The following ASIC2 variants were observed in gnomAD, a reference collection of about 807,000 sequenced individuals.
The protein encoded by ASIC2 is acid-sensing ion channel 2.
ASIC2 carries 25 observed loss-of-function variants against 57.3 expected under a neutral mutation model. That is an observed-to-expected ratio of 0.44 (90% CI 0.32 to 0.61). ASIC2 has a LOEUF of 0.61. Ranked by LOEUF, ASIC2 falls within the 20% of genes least tolerant of loss-of-function variation. The pLI is 0.06. For missense variants in ASIC2, 641 were observed against 738.1 expected, an observed-to-expected ratio of 0.87 and a Z score of 1.52; for synonymous variants, 319 against 307.5, an observed-to-expected ratio of 1.04 and a Z score of -0.39.
At chr17:33,145,382 T>C (rs1342730854) in intron 1 of ASIC2, among the ~76,000 whole-genome samples, 3 of 152,346 alleles carry the variant, frequency 2.0e-5, no homozygotes, top group South Asian at 4.1e-4. Flanking sequence ...TGAGCAACTA[T>C]TGGGCTACAT....
intron 1 of ASIC2, among the ~76,000 whole-genome samples, chr17:33,199,032 C>T (rs550659248): frequency 5.9e-4 from 89 of 152,130 alleles, no homozygotes; most frequent in African/African-American, 1.6e-3. Flanking sequence ...TCTGGCATCA[C>T]GCCAGTTAAA....
Position 33,585,230 on chromosome 17 carries a change from G to GAGCCAGGCAGGCCACA in ASIC2, c.556-473164_556-473163insTGTGGCCTGCCTGGCT, listed in dbSNP as rs1042664181. On this transcript the variant is annotated intron_variant, in intron 1 of 9. Coordinates refer to the ASIC2 transcript ENST00000359872. ...GGCTTTTAGCCTTGAATCAGGGCAA[G>GAGCCAGGCAGGCCACA]AGCCAGGCAGGCCACGTGGCTCATG... Among the ~76,000 whole-genome samples, 11 of 40,362 alleles carry GAGCCAGGCAGGCCACA rather than the reference G, an allele frequency of 2.7e-4. No homozygotes were observed. The South Asian group carries it at 8.5e-3, about 31-fold the overall frequency. The allele number at this position is 40,362 out of a possible 152,430, so 26.5% of individuals were successfully genotyped here. A position where few individuals can be genotyped will look rare whatever the true frequency, so the allele number is the denominator to read the frequency against.
chr17:33,866,065 C>T (rs1914230376), intron 1 of ASIC2, among the ~76,000 whole-genome samples: 1 of 152,064 alleles, frequency 6.6e-6, no homozygotes, highest in South Asian at 2.1e-4. Context: ...TCCAATTGTG[C>T]ATTTTTATGT....
chr17:33,845,625 T>A (rs1163914880), intron 1 of ASIC2, among the ~76,000 whole-genome samples: 3 of 152,214 alleles, frequency 2.0e-5, no homozygotes, highest in African/African-American at 7.2e-5. Context: ...CCTGCTGAGA[T>A]GATGGAATAA....
At chr17:34,047,307 T>A (rs934454425) in intron 1 of ASIC2, among the ~76,000 whole-genome samples, 2 of 151,948 alleles carry the variant, frequency 1.3e-5, no homozygotes, top group African/African-American at 4.8e-5. Flanking sequence ...ACAAGACAGA[T>A]ATCATCTCAA....
intron 1 of ASIC2, among the ~76,000 whole-genome samples, chr17:33,532,729 T>G (rs1258548579): frequency 1.3e-5 from 2 of 152,206 alleles, no homozygotes; most frequent in African/African-American, 4.8e-5. Context: ...GAGATGATTG[T>G]GGCAGCCTTC....
chr17:33,672,520 G>T (rs908524615), intron 1 of ASIC2, among the ~76,000 whole-genome samples: 13 of 152,076 alleles, frequency 8.5e-5, no homozygotes, highest in Non-Finnish European at 1.8e-4. Context: ...CAGTGCCTTT[G>T]ATAGGGGCAT....
At chr17:33,111,214 T>C (rs932708173) in intron 2 of ASIC2, among the ~76,000 whole-genome samples, 1 of 152,180 alleles carries the variant, frequency 6.6e-6, no homozygotes, top group Non-Finnish European at 1.5e-5. Context: ...CAAATACCCT[T>C]GGTGCTTTCC....
intron 1 of ASIC2, among the ~76,000 whole-genome samples, chr17:33,248,753 T>TCAC (rs1277439565): frequency 6.6e-6 from 1 of 152,206 alleles, no homozygotes; most frequent in East Asian, 1.9e-4. Context: ...CTCCTCTCTG[T>TCAC]ATGTGTCAGT....
At chr17:33,828,721 T>C (rs1407449204) in intron 1 of ASIC2, among the ~76,000 whole-genome samples, 1 of 152,214 alleles carries the variant, frequency 6.6e-6, no homozygotes, top group African/African-American at 2.4e-5. Context: ...TAAAATATAT[T>C]CTATTTAGTT....
intron 1 of ASIC2, among the ~76,000 whole-genome samples, chr17:33,383,693 T>A (rs1178103634): frequency 2.0e-5 from 3 of 152,246 alleles, no homozygotes; most frequent in Non-Finnish European, 2.9e-5. Context: ...ACAAATTCAA[T>A]GTTTCTTTCA....
intron 1 of ASIC2, among the ~76,000 whole-genome samples, chr17:33,332,146 C>G (rs1907338404): frequency 6.6e-6 from 1 of 152,126 alleles, no homozygotes; most frequent in Non-Finnish European, 1.5e-5. Context: ...TTCCATATAC[C>G]CGTTCGTGTT....
chr17:34,122,781 A>T (rs1320212961), intron 1 of ASIC2, among the ~76,000 whole-genome samples: 2 of 152,198 alleles, frequency 1.3e-5, no homozygotes, highest in Non-Finnish European at 2.9e-5. Context: ...TTAAAAACAC[A>T]AGCTGCTCAG....
Position 33,032,440 on chromosome 17 carries a change from GTT to G in ASIC2, c.988-4050_988-4049del, listed in dbSNP as rs60183644. On this transcript the variant is annotated intron_variant, in intron 3 of 9. Transcript: ENST00000225823. ...TCTGTTATAAGCACTATAATACACT[GTT>G]TTTTTTTTTTTTTTTTTTTTTTTTG... Among the ~76,000 whole-genome samples, 433 of 93,988 alleles carry G rather than the reference GTT, an allele frequency of 4.6e-3. 1 individual carries two copies. Among genetic ancestry groups the G allele is most frequent in the African/African-American group, 0.017 (362 of 21,222 alleles). The allele number at this position is 93,988 out of a possible 152,430, so 61.7% of individuals were successfully genotyped here. A position where few individuals can be genotyped will look rare whatever the true frequency, so the allele number is the denominator to read the frequency against.
In ASIC2 at chr17:33,815,499, T is replaced by C. The variant is rs148662483; in HGVS notation, c.555+340479A>G. Among the ~76,000 whole-genome samples, 1,097 of 152,276 alleles carry C rather than the reference T, an allele frequency of 7.2e-3. 11 individuals are homozygous for C. Among genetic ancestry groups the C allele is most frequent in the African/African-American group, 0.025 (1,027 of 41,544 alleles). On this transcript the variant is annotated intron_variant, in intron 1 of 9. Coordinates refer to the ASIC2 transcript ENST00000359872. ...CTTTTTGTTTTGGTTCCTGAAAAGGTCTTGACTTAACTCACCCCTCTTTGG... is the reference window on the plus strand; with the variant it reads ...CTTTTTGTTTTGGTTCCTGAAAAGGCCTTGACTTAACTCACCCCTCTTTGG...
Position 33,292,508 on chromosome 17 carries a change from C to G in ASIC2, c.-393G>C, listed in dbSNP as rs531250611. 1.0e-6 allele frequency: 1 copy of G among 986,016 alleles called. No individual in the cohort carries two copies. The allele number at this position is 986,016 out of a possible 1,614,324, so 61.1% of individuals were successfully genotyped here. A position where few individuals can be genotyped will look rare whatever the true frequency, so the allele number is the denominator to read the frequency against. Reference sequence around the variant, plus strand: ...CCCTCGTCCTGGACCTCGGGGGACCCTGAGCCGAGTCCCCCCTGCCCCGCC... The same window carrying G: ...CCCTCGTCCTGGACCTCGGGGGACCGTGAGCCGAGTCCCCCCTGCCCCGCC... On this transcript the variant is annotated 5_prime_UTR_variant, in exon 1 of 10. Transcript: ENST00000225823.
At chr17:33,887,178 A>G (rs1914849464) in intron 1 of ASIC2, among the ~76,000 whole-genome samples, 1 of 152,144 alleles carries the variant, frequency 6.6e-6, no homozygotes, top group Admixed American at 6.5e-5. Flanking sequence ...CACTTTGCCT[A>G]ATTCCCTGAA....
chr17:33,480,408 C>G (rs1913365304), intron 1 of ASIC2, among the ~76,000 whole-genome samples: 1 of 152,122 alleles, frequency 6.6e-6, no homozygotes, highest in African/African-American at 2.4e-5. Context: ...AGGAGCCACA[C>G]AAGAGAAGAG....
At chr17:33,089,596 C>A (rs1454996114) in intron 2 of ASIC2, among the ~76,000 whole-genome samples, 1 of 152,250 alleles carries the variant, frequency 6.6e-6, no homozygotes, top group African/African-American at 2.4e-5. Flanking sequence ...GCCAGGTCAA[C>A]TCCTTGCCTC....
Sources: gnomAD v4.1 joint callset for allele counts (sites outside exome capture counted in the v4.1 genomes callset) on GRCh38, gnomAD v4.1.1 for gene constraint, MANE v1.5 for transcripts, NCBI Gene and HGNC (gene_info 2026-07-23, HGNC 2026-07-21) for gene names.